PLEKHM2: variants seen among roughly 807,000 people sequenced by gnomAD.
PLEKHM2 encodes the protein pleckstrin homology and RUN domain containing M2.
PLEKHM2 carries 77 observed loss-of-function variants against 116.3 expected under a neutral mutation model. The ratio of observed to expected loss-of-function variants is 0.66; its 90% CI spans 0.55 to 0.80. The LOEUF (loss-of-function observed/expected upper bound fraction) is 0.80, where lower values mean the gene tolerates loss of function less well. PLEKHM2 is among the 30% of genes least tolerant of loss of function. The probability of loss-of-function intolerance (pLI) is 0.00; values close to 1 mark genes in which losing one functional copy is unlikely to be tolerated. For synonymous variants in PLEKHM2, 562 were observed against 571.0 expected, an observed-to-expected ratio of 0.98 and a Z score of 0.22; for missense variants, 1,183 against 1,354.9, an observed-to-expected ratio of 0.87 and a Z score of 1.99.
At chr1:15,725,796 C>G in intron 8 of PLEKHM2, 1 of 542,732 alleles carries the variant, frequency 1.8e-6, no homozygotes, top group Non-Finnish European at 3.3e-6. Flanking sequence ...TCTCACAGCT[C>G]TGGAGCCTAC....
At chr1:15,687,318 C>T (rs1277154356) in intron 1 of PLEKHM2, among the ~76,000 whole-genome samples, 3 of 151,748 alleles carry the variant, frequency 2.0e-5, no homozygotes, top group African/African-American at 4.8e-5. Flanking sequence ...AGGTTACAGG[C>T]GCCCGCCACT....
At chr1:15,688,606 C>T (rs540752953) in intron 1 of PLEKHM2, among the ~76,000 whole-genome samples, 10 of 147,734 alleles carry the variant, frequency 6.8e-5, no homozygotes, top group Admixed American at 2.7e-4. Flanking sequence ...ACTGAGATCG[C>T]GCCATTGCAC....
chr1:15,722,080 A>G (rs542514100), intron 7 of PLEKHM2, among the ~76,000 whole-genome samples: 42 of 152,260 alleles, frequency 2.8e-4, no homozygotes, highest in Non-Finnish European at 4.7e-4. Flanking sequence ...TATGTTGCCA[A>G]TAAGGTGAAT....
intron 8 of PLEKHM2, 90 bp downstream of exon 8, chr1:15,725,635 G>A: frequency 1.1e-6 from 1 of 933,750 alleles, no homozygotes; most frequent in Non-Finnish European, 1.6e-6. Context: ...GGCAGACCGG[G>A]ACACCCCCTG....
At chr1:15,683,894 C>T (rs1346053229), upstream of PLEKHM2, among the ~76,000 whole-genome samples, 1 of 133,176 alleles carries the variant, frequency 7.5e-6, no homozygotes, top group Admixed American at 7.6e-5. Flanking sequence ...CTCTGGGGTC[C>T]CTGAGGGAAT....
chr1:15,704,455 CTA>C (rs1641181267), intron 1 of PLEKHM2, among the ~76,000 whole-genome samples: 1 of 152,112 alleles, frequency 6.6e-6, no homozygotes, highest in South Asian at 2.1e-4. Context: ...CACCAGCCCT[CTA>C]TTATTTTGAA....
chr1:15,708,179 C>T (rs1641262998), intron 1 of PLEKHM2, among the ~76,000 whole-genome samples: 1 of 151,402 alleles, frequency 6.6e-6, no homozygotes, highest in African/African-American at 2.4e-5. Flanking sequence ...GCCACTGCAC[C>T]TGGCCAGTTC....
At chr1:15,726,806 C>A (rs868793495) in intron 8 of PLEKHM2, among the ~76,000 whole-genome samples, 1 of 152,166 alleles carries the variant, frequency 6.6e-6, no homozygotes, top group Non-Finnish European at 1.5e-5. Flanking sequence ...ACCCCCACCC[C>A]GCCCCTGCCA....
rs755008863 is a variant in PLEKHM2, at chr1:15,727,823, C to T, written c.1751C>T (p.Ser584Leu). 1.0e-5 allele frequency: 16 copies of T among 1,574,956 alleles called. No homozygotes were observed. The highest frequency in any genetic ancestry group is 1.7e-4 in the Middle Eastern group (1 of 5,974). ...QGSPSEMVHS[S>L]EFRVDNNHLL... ...AGCCCTTCGGAGATGGTCCATTCCT[C>T]GGAGTTCAGGTAACAAGACTCTGCA... Residue 584 changes from serine to leucine, a missense_variant, in exon 9 of 20, where the codon TCG becomes TTG. This residue lies in a region of PLEKHM2 where 594 missense variants were observed against 720.1 expected (regional missense o/e 0.82). Coordinates refer to ENST00000375799, the MANE Select transcript of PLEKHM2 (RefSeq NM_015164.4). The surrounding 1 kb of genome is among the most constrained non-coding windows in gnomAD (Gnocchi z 7.5).
Position 15,731,255 on chromosome 1 carries a change from G to A in PLEKHM2, c.2463G>A (p.Met821Ile), listed in dbSNP as rs936293824. ...TDVIPLLSVN[M>I]GGEQCGGCRR... ...TCATCCCTCTGCTCTCGGTGAACAT[G>A]GGGTAAGTGTCCCGGGAGAAGCGGG... The change falls in exon 16 of 20, where the codon ATG becomes ATA. Residue 821 changes from methionine to isoleucine, a missense_variant and splice_region_variant. Met to Ile is a conservative substitution (Grantham distance 10, BLOSUM62 1). This residue lies in a region of PLEKHM2 where 594 missense variants were observed against 720.1 expected (regional missense o/e 0.82). Transcript: ENST00000375799. The A allele has an allele frequency of 8.2e-6, 13 of 1,584,750 alleles. No individual in the cohort carries two copies. Among genetic ancestry groups the A allele is most frequent in the Non-Finnish European group, 1.1e-5 (13 of 1,164,516 alleles).
intron 1 of PLEKHM2, 91 bp downstream of exon 1, chr1:15,684,709 C>A: frequency 2.5e-6 from 1 of 396,394 alleles, no homozygotes; most frequent in East Asian, 5.5e-5. Flanking sequence ...GGCCCCCCGC[C>A]CTTCCCCTCC....
chr1:15,731,350 G>A (rs906688789), intron 16 of PLEKHM2, 93 bp downstream of exon 16: 9 of 967,238 alleles, frequency 9.3e-6, no homozygotes, highest in East Asian at 2.6e-5. Flanking sequence ...GTTCAGCCTC[G>A]CCCTCAACCC....
Position 15,693,405 on chromosome 1 carries a change from C to G in PLEKHM2, c.60+8787C>G, listed in dbSNP as rs551245698. Among the ~76,000 whole-genome samples, 42 of 152,332 alleles carry G rather than the reference C, an allele frequency of 2.8e-4. No homozygotes were observed. The South Asian group carries it at 4.3e-3, about 16-fold the overall frequency. On this transcript the variant is annotated intron_variant, in intron 1 of 19. Transcript: ENST00000375799. ...GAAATGCTTCTCTGACGTCAGGTTT[C>G]TGTTGGAAACCTTGTGACACTGTGT... is the stretch of plus-strand genomic sequence containing the variant.
At chr1:15,695,117 G>A (rs1316792434) in intron 1 of PLEKHM2, among the ~76,000 whole-genome samples, 2 of 152,132 alleles carry the variant, frequency 1.3e-5, no homozygotes, top group Non-Finnish European at 2.9e-5. Context: ...TACAAACATT[G>A]CACAAATACA....
Position 15,731,242 on chromosome 1 carries a change from T to C in PLEKHM2, c.2450T>C (p.Leu817Pro). ...YPDRTDVIPL[L>P]SVNMGGEQCG... The stretch of plus-strand genomic sequence containing the variant: ...GACCGCACCGACGTCATCCCTCTGC[T>C]CTCGGTGAACATGGGGTAAGTGTCC... The change falls in exon 16 of 20, where the codon CTC becomes CCC. Residue 817 changes from leucine (L) to proline (P), a missense_variant. Physicochemically the swap from Leu to Pro is moderately conservative, Grantham distance 98. Transcript: ENST00000375799. The C allele has an allele frequency of 6.3e-7, 1 of 1,592,350 alleles. No individual in the cohort carries two copies. The highest frequency in any genetic ancestry group is 8.6e-7 in the Non-Finnish European group (1 of 1,169,046).
chr1:15,728,209 C>T lies in PLEKHM2; in HGVS notation c.1831-58C>T, dbSNP rs776195216. ...GCAAGGGCAAGGCGGGATGGGCCAC[C>T]GCCCCCGCTGGAGCGGCAGGAGCCA... On this transcript the variant is annotated intron_variant, in intron 10 of 19. Transcript: ENST00000375799. The surrounding 1 kb of genome is among the most constrained non-coding windows in gnomAD (Gnocchi z 5.9). 1.5e-4 allele frequency: 233 copies of T among 1,603,006 alleles called. No individual in the cohort carries two copies. The highest frequency in any genetic ancestry group is 3.3e-4 in the African/African-American group (25 of 74,802).
At chr1:15,684,743 C>T (rs1294520544) in intron 1 of PLEKHM2, 125 bp downstream of exon 1, 10 of 376,738 alleles carry the variant, frequency 2.7e-5, no homozygotes, top group Non-Finnish European at 4.3e-5. Flanking sequence ...CGACGAGCGG[C>T]CGGGAGCCCC....
chr1:15,725,195 C>G, intron 7 of PLEKHM2, 122 bp from the exon 8 acceptor site: 1 of 683,418 alleles, frequency 1.5e-6, no homozygotes, highest in Admixed American at 2.4e-5. Flanking sequence ...GGGGCCACCC[C>G]TGTCAGGTTT....
chr1:15,731,217 G>A lies in PLEKHM2; in HGVS notation c.2425G>A (p.Asp809Asn). Residue 809 changes from aspartate to asparagine, a missense_variant, in exon 16 of 20, where the codon GAC (aspartate) becomes AAC (asparagine). Coordinates refer to ENST00000375799, the MANE Select transcript of PLEKHM2 (RefSeq NM_015164.4). ...LSNGILYQYP[D>N]RTDVIPLLSV... Reference sequence around the variant, plus strand: ...CAACGGGATCCTCTACCAGTACCCGGACCGCACCGACGTCATCCCTCTGCT... The same window carrying A: ...CAACGGGATCCTCTACCAGTACCCGAACCGCACCGACGTCATCCCTCTGCT... 2 of 1,598,822 alleles carry A rather than the reference G, an allele frequency of 1.3e-6. No homozygotes were observed. The highest frequency in any genetic ancestry group is 8.5e-7 in the Non-Finnish European group (1 of 1,172,592).
Sources: allele counts gnomAD v4.1 joint callset (sites outside exome capture counted in the v4.1 genomes callset), GRCh38; gene constraint gnomAD v4.1.1; regional missense constraint gnomAD v4.1.1; non-coding constraint Gnocchi (gnomAD v3.1); transcripts MANE v1.5; gene names NCBI Gene and HGNC (gene_info 2026-07-23, HGNC 2026-07-21).